Variants in SLC4A10 observed in about 807,000 individuals in gnomAD.
SLC4A10 encodes sodium-driven chloride bicarbonate exchanger.
In SLC4A10, 42 loss-of-function variants were observed where a neutral mutation model predicts 137.7. That is an observed-to-expected ratio of 0.30 (90% CI 0.24 to 0.39). The LOEUF (loss-of-function observed/expected upper bound fraction) is 0.39. Among genes scored for constraint, SLC4A10 ranks in the 10% least tolerant of loss-of-function variants. The pLI, the probability that SLC4A10 is intolerant of heterozygous loss-of-function variation, is 1.00. For missense variants in SLC4A10, 925 were observed against 1,355.0 expected (o/e 0.68, Z 4.98); for synonymous variants, 474 against 464.1 (o/e 1.02, Z -0.27).
At chr2:161,901,282 G>C in intron 12 of SLC4A10, 1 of 335,976 alleles carries the variant, frequency 3.0e-6, no homozygotes, top group Non-Finnish European at 5.5e-6. Context: ...AGAATGAAAA[G>C]GAAAACCGTC....
chr2:161,863,605 C>T (rs544715723), intron 6 of SLC4A10, among the ~76,000 whole-genome samples: 4 of 152,208 alleles, frequency 2.6e-5, no homozygotes, highest in Non-Finnish European at 5.9e-5. Flanking sequence ...GGGCTCATTG[C>T]TGTTTGTAAT....
At chr2:161,692,539 C>A (rs958472895) in intron 1 of SLC4A10, among the ~76,000 whole-genome samples, 16 of 151,980 alleles carry the variant, frequency 1.1e-4, no homozygotes, top group Admixed American at 2.0e-4. Flanking sequence ...TTTAAAGAGA[C>A]CAAATGACTC....
intron 1 of SLC4A10, among the ~76,000 whole-genome samples, chr2:161,752,272 T>C (rs995838180): frequency 2.6e-5 from 4 of 151,980 alleles, no homozygotes; most frequent in Non-Finnish European, 4.4e-5. Flanking sequence ...TTATTATTAT[T>C]TTTTTGCCTT....
chr2:161,665,299 G>T (rs893012254), intron 1 of SLC4A10, among the ~76,000 whole-genome samples: 1 of 151,748 alleles, frequency 6.6e-6, no homozygotes, highest in Non-Finnish European at 1.5e-5. Flanking sequence ...GTAGTGTAAT[G>T]ATGACAAAGG....
At chr2:161,872,855 A>G (rs181878443) in intron 7 of SLC4A10, among the ~76,000 whole-genome samples, 267 of 152,278 alleles carry the variant, frequency 1.8e-3, no homozygotes, top group African/African-American at 6.0e-3. Flanking sequence ...CTGGGATTAC[A>G]GGCGTGCACC....
intron 2 of SLC4A10, among the ~76,000 whole-genome samples, chr2:161,796,314 C>T (rs1290800153): frequency 6.6e-6 from 1 of 152,176 alleles, no homozygotes; most frequent in African/African-American, 2.4e-5. Flanking sequence ...GTTAGTTCTT[C>T]TAATGTGAAT....
At chr2:161,653,093 C>T (rs2037033481) in intron 1 of SLC4A10, among the ~76,000 whole-genome samples, 1 of 152,146 alleles carries the variant, frequency 6.6e-6, no homozygotes, top group Non-Finnish European at 1.5e-5. Context: ...TGAATGAGAA[C>T]ACGTGGTGTT....
intron 1 of SLC4A10, among the ~76,000 whole-genome samples, chr2:161,721,571 C>A (rs1196284932): frequency 6.6e-6 from 1 of 152,188 alleles, no homozygotes; most frequent in African/African-American, 2.4e-5. Context: ...GTCTGATGGA[C>A]TTCCCTTTGT....
intron 15 of SLC4A10, among the ~76,000 whole-genome samples, chr2:161,928,722 A>T (rs543854851): frequency 1.3e-5 from 2 of 150,714 alleles, no homozygotes; most frequent in East Asian, 3.9e-4. Flanking sequence ...CTATCAGTGT[A>T]GCCTTGGATA....
At position 161,715,444 on chromosome 2, in the gene SLC4A10, A is replaced by G. The variant is rs752859923; in HGVS notation, c.49-55529A>G. Among the ~76,000 whole-genome samples, 120 of 151,854 alleles carry G rather than the reference A, an allele frequency of 7.9e-4. 1 individual carries two copies. Among genetic ancestry groups the G allele is most frequent in the Admixed American group, 5.9e-4 (9 of 15,210 alleles). ...GGTTTGCTGCACCTATCAACCCATC[A>G]CCTAGGTATTAAGCCCAGCATGCAT... On this transcript the variant is annotated intron_variant, in intron 1 of 26. Coordinates refer to ENST00000446997, the MANE Select transcript of SLC4A10 (RefSeq NM_001178015.2).
At chr2:161,834,556 C>A (rs2058641502) in intron 3 of SLC4A10, among the ~76,000 whole-genome samples, 1 of 151,956 alleles carries the variant, frequency 6.6e-6, no homozygotes, top group Non-Finnish European at 1.5e-5. Flanking sequence ...TTCCTTCTGG[C>A]TTAACATTCT....
intron 1 of SLC4A10, among the ~76,000 whole-genome samples, chr2:161,647,402 AATGT>A (rs2036206867): frequency 6.6e-6 from 1 of 152,078 alleles, no homozygotes; most frequent in Non-Finnish European, 1.5e-5. Flanking sequence ...TGTCCAAATA[AATGT>A]ATGTCTCATT....
At chr2:161,830,318 C>T (rs2058352063) in intron 3 of SLC4A10, among the ~76,000 whole-genome samples, 1 of 152,114 alleles carries the variant, frequency 6.6e-6, no homozygotes, top group Admixed American at 6.5e-5. Context: ...ATTTCTTATA[C>T]AATGGCAGTT....
At chr2:161,942,045 C>T (rs183826834) in intron 15 of SLC4A10, among the ~76,000 whole-genome samples, 15 of 152,262 alleles carry the variant, frequency 9.9e-5, no homozygotes, top group African/African-American at 3.4e-4. Context: ...AGAAGGGAGA[C>T]TGTTGCTTAG....
At chr2:161,866,639 GA>G (rs2060774355) in intron 6 of SLC4A10, among the ~76,000 whole-genome samples, 2 of 151,876 alleles carry the variant, frequency 1.3e-5, no homozygotes, top group Non-Finnish European at 2.9e-5. Flanking sequence ...TTAGTACCCT[GA>G]AAAGGGTATG....
At chr2:161,738,606 G>C (rs1387948949) in intron 1 of SLC4A10, among the ~76,000 whole-genome samples, 2 of 152,220 alleles carry the variant, frequency 1.3e-5, no homozygotes, top group African/African-American at 2.4e-5. Flanking sequence ...TATGTATGGA[G>C]AAATTTTTAG....
chr2:161,882,567 A>G, intron 10 of SLC4A10, 123 bp downstream of exon 10: 2 of 496,544 alleles, frequency 4.0e-6, no homozygotes, highest in Non-Finnish European at 6.9e-6. Context: ...CCATTCTCCC[A>G]TGCTTCTGCT....
intron 1 of SLC4A10, among the ~76,000 whole-genome samples, chr2:161,710,921 C>A (rs1029230313): frequency 6.6e-6 from 1 of 151,700 alleles, no homozygotes; most frequent in Non-Finnish European, 1.5e-5. Flanking sequence ...ATTGTGTTCA[C>A]ATTTTGAATT....
chr2:161,863,005 C>T lies in SLC4A10; in HGVS notation c.709C>T (p.Arg237Cys). The change falls in exon 6 of 27, where the codon CGT (arginine) becomes TGT (cysteine). Residue 237 changes from arginine to cysteine, a missense_variant. Arg to Cys is a radical substitution (Grantham distance 180, BLOSUM62 -3). Around this residue, in one of 11 missense-constraint regions of SLC4A10, gnomAD observed 277 missense variants for 306.1 expected, o/e 0.90. Transcript: ENST00000446997. ...KKLTNRIPIV[R>C]SFADIGKKQS... ...ACTCACCAACAGGATTCCCATTGTT[C>T]GTTCCTTTGCTGATATTGGCAAGAA... is the stretch of plus-strand genomic sequence containing the variant. 6.2e-7 allele frequency: 1 copy of T among 1,613,886 alleles called. No homozygotes were observed. Among genetic ancestry groups the T allele is most frequent in the Non-Finnish European group, 8.5e-7 (1 of 1,179,858 alleles).
Sources: gnomAD v4.1 joint callset for allele counts (sites outside exome capture counted in the v4.1 genomes callset) on GRCh38, gnomAD v4.1.1 for gene constraint, gnomAD v4.1.1 regional missense constraint, MANE v1.5 for transcripts, NCBI Gene and HGNC (gene_info 2026-07-23, HGNC 2026-07-21) for gene names.